The following CACNG2 variants were observed in gnomAD, a reference collection of about 807,000 sequenced individuals.
The protein encoded by CACNG2 is voltage-dependent calcium channel gamma-2 subunit.
A neutral mutation model predicts 25.9 loss-of-function variants in CACNG2; 3 were observed. The ratio of observed to expected loss-of-function variants is 0.12; its 90% CI spans 0.05 to 0.30. The LOEUF is 0.30. Ranked by LOEUF, CACNG2 falls within the 10% of genes least tolerant of loss-of-function variation. CACNG2 has a pLI of 1.00. For synonymous variants in CACNG2, 167 were observed against 173.3 expected, an observed-to-expected ratio of 0.96 and a Z score of 0.29; for missense variants, 341 against 432.5, an observed-to-expected ratio of 0.79 and a Z score of 1.88.
rs1471422099 is a variant in CACNG2, at chr22:36,564,619, C to T, written c.704G>A (p.Arg235His). The change falls in exon 4 of 4, where the codon CGC becomes CAC. Residue 235 changes from arginine (R) to histidine (H), a missense_variant. Arg to His is a conservative substitution (Grantham distance 29). Coordinates refer to ENST00000300105, the MANE Select transcript of CACNG2 (RefSeq NM_006078.5). The surrounding 1 kb of genome is among the most constrained non-coding windows in gnomAD (Gnocchi z 6.7). The part of the protein sequence containing the change: ...RIPSYRYRYQ[R>H]RSRSSSRSTE... ...GGAGCGCGAGCTGGAGCGGCTGCGG[C>T]GCTGGTAGCGGTAGCGGTAGCTGGG... is the stretch of plus-strand genomic sequence containing the variant. The T allele has an allele frequency of 3.1e-6, 5 of 1,613,818 alleles. No individual in the cohort carries two copies. The highest frequency in any genetic ancestry group is 1.7e-5 in the Admixed American group (1 of 60,002).
chr22:36,582,213 GTGTC>G, intron 2 of CACNG2, among the ~76,000 whole-genome samples: 1 of 152,060 alleles, frequency 6.6e-6, no homozygotes, highest in Admixed American at 6.5e-5. Context: ...AAGTGAGATG[GTGTC>G]TGTCAATCAG....
chr22:36,616,996 G>A (rs1263145618), intron 1 of CACNG2, among the ~76,000 whole-genome samples: 1 of 152,136 alleles, frequency 6.6e-6, no homozygotes, highest in Non-Finnish European at 1.5e-5. Context: ...ACCAAGTTAT[G>A]GTGCATGTGG....
chr22:36,673,603 A>T (rs1416047694), intron 1 of CACNG2, among the ~76,000 whole-genome samples: 1 of 151,004 alleles, frequency 6.6e-6, no homozygotes, highest in East Asian at 2.0e-4. Flanking sequence ...GACAAGGAGG[A>T]GGTCTGGGCA....
chr22:36,682,711 A>C (rs1182551129), intron 1 of CACNG2, among the ~76,000 whole-genome samples: 1 of 152,174 alleles, frequency 6.6e-6, no homozygotes, highest in Non-Finnish European at 1.5e-5. Context: ...CACAATCAAA[A>C]TTGAATAGAA....
At chr22:36,696,844 A>C (rs1937348680) in intron 1 of CACNG2, among the ~76,000 whole-genome samples, 1 of 152,150 alleles carries the variant, frequency 6.6e-6, no homozygotes, top group South Asian at 2.1e-4. Context: ...TTCGAGGAGG[A>C]GATTATGCCT....
At position 36,606,868 on chromosome 22, in the gene CACNG2, TGTCTGTGTGTGA is replaced by T. The variant is rs989035206; in HGVS notation, c.212-19332_212-19321del. Among the ~76,000 whole-genome samples, 1 of 151,582 alleles carries T rather than the reference TGTCTGTGTGTGA, an allele frequency of 6.6e-6. No individual in the cohort carries two copies. The highest frequency in any genetic ancestry group is 2.4e-5 in the African/African-American group (1 of 41,204). ...GTGTGTATGTATGTGTACGTGTGTA[TGTCTGTGTGTGA>T]GTCTGTGTGTGTGTCTGTGGTGTGT... On this transcript the variant is annotated intron_variant, in intron 1 of 3. Transcript: ENST00000300105. The surrounding 1 kb of genome is among the most constrained non-coding windows in gnomAD (Gnocchi z 5.7).
intron 2 of CACNG2, among the ~76,000 whole-genome samples, chr22:36,568,576 T>C (rs1443723330): frequency 6.6e-6 from 1 of 151,930 alleles, no homozygotes; most frequent in Non-Finnish European, 1.5e-5. Flanking sequence ...GGCTAGTTTT[T>C]GTATTTTTAG....
chr22:36,658,595 C>T (rs963286367), intron 1 of CACNG2, among the ~76,000 whole-genome samples: 6 of 152,190 alleles, frequency 3.9e-5, no homozygotes, highest in African/African-American at 1.4e-4. Context: ...TCTTCCTCAT[C>T]CATCTCTTTT....
intron 1 of CACNG2, among the ~76,000 whole-genome samples, chr22:36,619,113 G>A (rs540030885): frequency 2.6e-5 from 4 of 152,262 alleles, no homozygotes; most frequent in Admixed American, 2.0e-4. Flanking sequence ...TGAGGAAACC[G>A]AGACCCAGAA....
intron 1 of CACNG2, among the ~76,000 whole-genome samples, chr22:36,686,323 A>G (rs1343857114): frequency 6.6e-6 from 1 of 152,216 alleles, no homozygotes; most frequent in Non-Finnish European, 1.5e-5. Context: ...TCACAGAGCA[A>G]GTCCAGAAGA....
chr22:36,629,584 A>T (rs1454489643), intron 1 of CACNG2, among the ~76,000 whole-genome samples: 1 of 152,004 alleles, frequency 6.6e-6, no homozygotes, highest in Non-Finnish European at 1.5e-5. Context: ...AGAGATGATC[A>T]GCAGACCTGA....
chr22:36,589,235 C>T (rs962953993), intron 1 of CACNG2, among the ~76,000 whole-genome samples: 2 of 152,150 alleles, frequency 1.3e-5, no homozygotes, highest in Non-Finnish European at 2.9e-5. Context: ...AGTGATCTGC[C>T]TGCCTTGGCC....
intron 1 of CACNG2, among the ~76,000 whole-genome samples, chr22:36,614,743 G>T (rs935774255): frequency 2.0e-5 from 3 of 152,178 alleles, no homozygotes; most frequent in Non-Finnish European, 4.4e-5. Flanking sequence ...TGAAAAGCTT[G>T]TGGAGGGAAG....
chr22:36,621,636 G>A (rs5750279), intron 1 of CACNG2, among the ~76,000 whole-genome samples: 1 of 151,230 alleles, frequency 6.6e-6, no homozygotes, highest in Non-Finnish European at 1.5e-5. Context: ...TACATACACA[G>A]GCACACACAC....
chr22:36,645,566 A>G (rs1786252888), intron 1 of CACNG2, among the ~76,000 whole-genome samples: 2 of 150,808 alleles, frequency 1.3e-5, no homozygotes, highest in Admixed American at 1.3e-4. Flanking sequence ...AAAAAAAAAA[A>G]GAAATGCTAG....
intron 1 of CACNG2, among the ~76,000 whole-genome samples, chr22:36,650,910 T>C (rs1411222382): frequency 6.6e-6 from 1 of 152,236 alleles, no homozygotes; most frequent in Non-Finnish European, 1.5e-5. Context: ...TTTCTCTAGA[T>C]ATCTGCTATT....
chr22:36,606,318 A>G lies in CACNG2; in HGVS notation c.212-18770T>C, dbSNP rs1025573772. Among the ~76,000 whole-genome samples the G allele has an allele frequency of 6.6e-5, 10 of 152,354 alleles. No homozygotes were observed. Among genetic ancestry groups the G allele is most frequent in the Non-Finnish European group, 1.5e-4 (10 of 68,036 alleles). Reference sequence around the variant, plus strand: ...GGGAACAAGCTGCCATGAGCCAGGCATGGGGCCAAGCACTTTACAACAAGC... The same window carrying G: ...GGGAACAAGCTGCCATGAGCCAGGCGTGGGGCCAAGCACTTTACAACAAGC... On this transcript the variant is annotated intron_variant, in intron 1 of 3. Transcript: ENST00000300105. The surrounding 1 kb of genome is among the most constrained non-coding windows in gnomAD (Gnocchi z 5.7).
intron 1 of CACNG2, among the ~76,000 whole-genome samples, chr22:36,611,840 G>T (rs568417471): frequency 1.3e-5 from 2 of 152,170 alleles, no homozygotes; most frequent in Non-Finnish European, 2.9e-5. Flanking sequence ...AATGATAGCC[G>T]TCTCGGGGAC....
At chr22:36,699,021 G>C (rs1269146056) in intron 1 of CACNG2, among the ~76,000 whole-genome samples, 3 of 152,172 alleles carry the variant, frequency 2.0e-5, no homozygotes, top group Non-Finnish European at 2.9e-5. Flanking sequence ...CACCTTGCTT[G>C]AACAAGCTGT....
Sources: gnomAD v4.1 joint callset for allele counts (sites outside exome capture counted in the v4.1 genomes callset) on GRCh38, gnomAD v4.1.1 for gene constraint, Gnocchi (gnomAD v3.1) non-coding constraint, MANE v1.5 for transcripts, NCBI Gene and HGNC (gene_info 2026-07-23, HGNC 2026-07-21) for gene names.